The following LRBA variants were observed in gnomAD, a reference collection of about 807,000 sequenced individuals.
LRBA encodes the protein LPS responsive beige-like anchor protein, also known as lipopolysaccharide-responsive and beige-like anchor protein.
Under a neutral mutation model 330.0 loss-of-function variants are expected in LRBA, and 176 were observed. The observed-to-expected ratio is 0.53, with a 90% CI of 0.47 to 0.60. The LOEUF (loss-of-function observed/expected upper bound fraction) is 0.60. Ranked by LOEUF, LRBA falls within the 20% of genes least tolerant of loss-of-function variation. The probability of loss-of-function intolerance (pLI) is 0.00; values close to 1 mark genes in which losing one functional copy is unlikely to be tolerated. For missense variants in LRBA, 3,259 were observed against 3,444.8 expected (o/e 0.95, Z 1.35); for synonymous variants, 1,230 against 1,193.0 (o/e 1.03, Z -0.64).
chr4:150,844,253 A>G (rs1423037222), intron 27 of LRBA, 46 bp from the exon 28 acceptor site: 4 of 909,938 alleles, frequency 4.4e-6, no homozygotes, highest in Non-Finnish European at 6.6e-6. Context: ...ATTCATATAT[A>G]CATTACACAG....
At chr4:150,695,578 A>G (rs1164393265) in intron 36 of LRBA, among the ~76,000 whole-genome samples, 1 of 152,084 alleles carries the variant, frequency 6.6e-6, no homozygotes, top group African/African-American at 2.4e-5. Context: ...TCAGCCTCCC[A>G]AAGTGCTTGG....
At chr4:150,472,796 T>C (rs1475267072) in intron 42 of LRBA, among the ~76,000 whole-genome samples, 3 of 152,150 alleles carry the variant, frequency 2.0e-5, no homozygotes, top group African/African-American at 7.2e-5. Flanking sequence ...TCTTTGAGGT[T>C]TATCAATATG....
chr4:150,900,268 T>C (rs778251112), intron 13 of LRBA, 51 bp from the exon 14 acceptor site: 1 of 1,385,136 alleles, frequency 7.2e-7, no homozygotes, highest in Non-Finnish European at 1.0e-6. Context: ...ATTTTATCTG[T>C]TTCCAGTAAC....
chr4:150,291,009 GGTTA>G (rs958109462), intron 53 of LRBA, among the ~76,000 whole-genome samples: 2 of 151,214 alleles, frequency 1.3e-5, no homozygotes, highest in African/African-American at 4.9e-5. Context: ...ACATTGTGCA[GGTTA>G]GTTACATATG....
chr4:150,995,826 G>C (rs913450660), intron 2 of LRBA, among the ~76,000 whole-genome samples: 44 of 152,058 alleles, frequency 2.9e-4, no homozygotes, highest in African/African-American at 9.6e-4. Context: ...GAAAAATTTG[G>C]ATATTAGAAA....
chr4:150,650,757 T>C (rs906710053), intron 37 of LRBA, among the ~76,000 whole-genome samples: 1 of 152,122 alleles, frequency 6.6e-6, no homozygotes, highest in Admixed American at 6.6e-5. Flanking sequence ...TCAGTACTAC[T>C]TACCATGATG....
intron 30 of LRBA, among the ~76,000 whole-genome samples, chr4:150,819,337 G>T (rs1222596034): frequency 1.3e-5 from 2 of 151,272 alleles, no homozygotes; most frequent in Non-Finnish European, 2.9e-5. Flanking sequence ...GGGACTTAAG[G>T]TTACACAAGT....
chr4:151,007,190 A>G (rs1430125684), intron 2 of LRBA, among the ~76,000 whole-genome samples: 3 of 152,228 alleles, frequency 2.0e-5, no homozygotes, highest in Non-Finnish European at 2.9e-5. Flanking sequence ...TTCAATGGGA[A>G]AAGAATAGCC....
intron 47 of LRBA, among the ~76,000 whole-genome samples, chr4:150,362,295 C>T (rs1738826669): frequency 6.6e-6 from 1 of 152,084 alleles, no homozygotes; most frequent in Non-Finnish European, 1.5e-5. Context: ...TAAATATCTT[C>T]CCAAGTCATT....
intron 37 of LRBA, among the ~76,000 whole-genome samples, chr4:150,601,095 T>G (rs927971738): frequency 1.3e-5 from 2 of 152,176 alleles, no homozygotes; most frequent in African/African-American, 2.4e-5. Context: ...CACAAACATA[T>G]GACGATGTAA....
At chr4:150,877,944 T>C (rs1368189977) in intron 17 of LRBA, among the ~76,000 whole-genome samples, 1 of 152,024 alleles carries the variant, frequency 6.6e-6, no homozygotes, top group Non-Finnish European at 1.5e-5. Context: ...GGGTAAACAA[T>C]GAAATGAAGG....
chr4:150,448,215 C>A (rs1296222179), intron 44 of LRBA, among the ~76,000 whole-genome samples: 1 of 152,124 alleles, frequency 6.6e-6, no homozygotes, highest in Non-Finnish European at 1.5e-5. Flanking sequence ...GACATAAGAC[C>A]CTTCTTAAAG....
At chr4:150,690,504 A>T (rs890275924) in intron 36 of LRBA, among the ~76,000 whole-genome samples, 1 of 147,704 alleles carries the variant, frequency 6.8e-6, no homozygotes, top group African/African-American at 2.5e-5. Context: ...TCCATCTCAA[A>T]AAAAAAAAAA....
intron 34 of LRBA, among the ~76,000 whole-genome samples, chr4:150,762,710 A>G (rs1735261039): frequency 6.6e-6 from 1 of 151,882 alleles, no homozygotes; most frequent in Admixed American, 6.6e-5. Flanking sequence ...TAATCTTCAT[A>G]TTTCTTAATA....
rs754557321 is a variant in LRBA at position 150,916,543 on chromosome 4, T to C, written c.768-16A>G. ...GGTTCTGAAACTATAAAGAATAGTT[T>C]TCATTTTACCTCTAAATATTCTTCT... On this transcript the variant is annotated splice_polypyrimidine_tract_variant and intron_variant, in intron 6 of 56. Transcript: ENST00000651943. The C allele has an allele frequency of 1.2e-5, 20 of 1,610,430 alleles. No homozygotes were observed. The East Asian group carries it at 4.0e-4, about 32-fold the overall frequency.
At chr4:150,543,468 T>C (rs1765534168) in intron 40 of LRBA, among the ~76,000 whole-genome samples, 1 of 152,214 alleles carries the variant, frequency 6.6e-6, no homozygotes, top group African/African-American at 2.4e-5. Context: ...TAACCAAATA[T>C]TTTCTTGACG....
At chr4:150,344,498 C>A (rs1736010172) in intron 48 of LRBA, among the ~76,000 whole-genome samples, 1 of 152,158 alleles carries the variant, frequency 6.6e-6, no homozygotes, top group Admixed American at 6.6e-5. Context: ...TCTAAACAAA[C>A]ATATTAGTAA....
rs746594467 is a variant in LRBA, at chr4:150,897,817, A to C, written c.1926T>G (p.Asp642Glu). The C allele has an allele frequency of 6.2e-7, 1 of 1,607,472 alleles. No individual in the cohort carries two copies. Among genetic ancestry groups the C allele is most frequent in the Non-Finnish European group, 8.5e-7 (1 of 1,175,152 alleles). Residue 642 changes from aspartate (D) to glutamate (E), a missense_variant and splice_region_variant, in exon 15 of 57, where the codon GAT becomes GAG. By Grantham distance (45) the Asp-to-Glu change is conservative. Coordinates refer to ENST00000651943, the MANE Select transcript of LRBA (RefSeq NM_001364905.1). ...DRSGITPKGLDGPRPNQKEML... is the reference protein window; with the variant it reads ...DRSGITPKGLEGPRPNQKEML... ...TTTCTTTTTGATTAGGTCGCGGTCC[A>C]TCTTTTAAAAAAATATACACATACA...
At chr4:150,413,245 C>T (rs1747267571) in intron 47 of LRBA, among the ~76,000 whole-genome samples, 2 of 151,956 alleles carry the variant, frequency 1.3e-5, no homozygotes, top group South Asian at 4.2e-4. Context: ...AAACTTCATA[C>T]ATTGTAGGAA....
Sources: gnomAD v4.1 joint callset for allele counts (sites outside exome capture counted in the v4.1 genomes callset) on GRCh38, gnomAD v4.1.1 for gene constraint, MANE v1.5 for transcripts, NCBI Gene and HGNC (gene_info 2026-07-23, HGNC 2026-07-21) for gene names.